SLC16A6: variants seen among roughly 807,000 people sequenced by gnomAD.
The protein encoded by SLC16A6 is monocarboxylate transporter 7.
SLC16A6 carries 15 observed loss-of-function variants against 33.8 expected under a neutral mutation model. The ratio of observed to expected loss-of-function variants is 0.44; its 90% CI spans 0.30 to 0.68. SLC16A6 has a LOEUF of 0.68. SLC16A6 is among the 30% of genes least tolerant of loss of function. The pLI, the probability that SLC16A6 is intolerant of heterozygous loss-of-function variation, is 0.10. For synonymous variants in SLC16A6, 219 were observed against 248.4 expected (o/e 0.88, Z 1.11); for missense variants, 451 against 661.5 (o/e 0.68, Z 3.49).
rs1555748968 is a variant in SLC16A6 at position 68,271,723 on chromosome 17, A to C, written c.506-69T>G. On this transcript the variant is annotated intron_variant, in intron 4 of 5. Coordinates refer to ENST00000580666, the MANE Select transcript of SLC16A6 (RefSeq NM_004694.5). The surrounding 1 kb of genome is among the most constrained non-coding windows in gnomAD (Gnocchi z 5.3). ...ATGGACTCAAGACCCAGGAGAAGCC[A>C]TCAAGAAGAAATATGGATCCAGATT... 1 of 1,258,006 alleles carries C rather than the reference A, an allele frequency of 7.9e-7. No homozygotes were observed. Among genetic ancestry groups the C allele is most frequent in the Non-Finnish European group, 1.1e-6 (1 of 905,096 alleles). The allele number at this position is 1,258,006 out of a possible 1,614,324, so 77.9% of individuals were successfully genotyped here.
In SLC16A6 at chr17:68,282,779, T is replaced by TAAAAAAAAA. The variant is rs36155626; in HGVS notation, c.-7-4461_-7-4453dup. ...CAACATAGTGAAACCCCATCTCTAC[T>TAAAAAAAAA]AAAAAAAAAAAAAAAAAAAAAGGCC... On this transcript the variant is annotated intron_variant, in intron 1 of 5. Transcript: ENST00000580666. Among the ~76,000 whole-genome samples the TAAAAAAAAA allele has an allele frequency of 1.3e-3, 67 of 53,392 alleles. 5 individuals are homozygous for TAAAAAAAAA. Among genetic ancestry groups the TAAAAAAAAA allele is most frequent in the African/African-American group, 5.5e-3 (59 of 10,784 alleles). 35.0% of individuals were successfully genotyped at this position (53,392 alleles called of 152,430 possible).
chr17:68,271,447 A>G lies in SLC16A6; in HGVS notation c.713T>C (p.Ile238Thr), dbSNP rs782508730. The G allele has an allele frequency of 4.3e-6, 7 of 1,614,126 alleles. No homozygotes were observed. Among genetic ancestry groups the G allele is most frequent in the East Asian group, 2.2e-5 (1 of 44,878 alleles). ...GGTAGTTAGTTCTACTCCTGAGTCA[A>G]TGGAGTCTATTGAGGTTCGTGTTTT... The part of the protein sequence containing the change: ...NEKTRTSIDS[I>T]DSGVELTTSP... Residue 238 changes from isoleucine to threonine, a missense_variant, in exon 5 of 6, where the codon ATT becomes ACT. Physicochemically the swap from Ile to Thr is moderately conservative, Grantham distance 89 (BLOSUM62 -1). Transcript: ENST00000580666. The surrounding 1 kb of genome is among the most constrained non-coding windows in gnomAD (Gnocchi z 5.3).
intron 1 of SLC16A6, among the ~76,000 whole-genome samples, chr17:68,288,082 T>G (rs1345331393): frequency 2.7e-5 from 4 of 150,600 alleles, no homozygotes; most frequent in African/African-American, 9.8e-5. Flanking sequence ...CTGCAAGCTC[T>G]GCCTCCCGGG....
intron 1 of SLC16A6, among the ~76,000 whole-genome samples, chr17:68,286,696 G>A (rs2075850259): frequency 6.6e-6 from 1 of 152,040 alleles, no homozygotes; most frequent in South Asian, 2.1e-4. Context: ...GTAGAGATGA[G>A]GTTTCAGTAT....
In SLC16A6 at chr17:68,277,790, T is replaced by C. The variant is rs936093016; in HGVS notation, c.232+299A>G. On this transcript the variant is annotated intron_variant, in intron 2 of 5. Transcript: ENST00000580666. Reference sequence around the variant, plus strand: ...ATCCTCACATCCTCACAAAAGGAGGTTGACTGCACTCCTTAAGGGAATCTA... The same window carrying C: ...ATCCTCACATCCTCACAAAAGGAGGCTGACTGCACTCCTTAAGGGAATCTA... Among the ~76,000 whole-genome samples, 5 of 152,172 alleles carry C rather than the reference T, an allele frequency of 3.3e-5. No homozygotes were observed. In the South Asian group the frequency reaches 6.2e-4, roughly 19 times the overall value.
chr17:68,276,861 A>T (rs1555751136), intron 2 of SLC16A6, among the ~76,000 whole-genome samples: 1 of 152,218 alleles, frequency 6.6e-6, no homozygotes, highest in African/African-American at 2.4e-5. Flanking sequence ...TATATTCAAT[A>T]GCCCTTTATA....
chr17:68,282,280 C>T (rs531781149), intron 1 of SLC16A6, among the ~76,000 whole-genome samples: 1 of 151,870 alleles, frequency 6.6e-6, no homozygotes, highest in Admixed American at 6.6e-5. Flanking sequence ...CACGTTCTCA[C>T]TCATAGGTGG....
At chr17:68,287,351 G>A (rs2075865015) in intron 1 of SLC16A6, among the ~76,000 whole-genome samples, 1 of 151,364 alleles carries the variant, frequency 6.6e-6, no homozygotes, top group Non-Finnish European at 1.5e-5. Flanking sequence ...ATAGAGACAG[G>A]GTCTCCCTAT....
Position 68,268,596 on chromosome 17 carries a change from A to C in SLC16A6, c.*500T>G, listed in dbSNP as rs1159895593. 1 of 152,520 alleles carries C rather than the reference A, an allele frequency of 6.6e-6. No homozygotes were observed. The highest frequency in any genetic ancestry group is 1.9e-4 in the East Asian group (1 of 5,210). 9.4% of individuals were successfully genotyped at this position (152,520 alleles called of 1,614,324 possible). On this transcript the variant is annotated 3_prime_UTR_variant, in exon 6 of 6. Transcript: ENST00000580666. ...ATATTTCTGAAAATTAGGAATTTTA[A>C]AAATGATTGAAGTCTTTTTTTTTTT...
At chr17:68,274,188 G>C in intron 2 of SLC16A6, 118 bp from the exon 3 acceptor site, 1 of 1,092,160 alleles carries the variant, frequency 9.2e-7, no homozygotes, top group South Asian at 1.6e-5. Flanking sequence ...AAATATGGCC[G>C]AGCGCAGTGG....
At chr17:68,278,384 C>T in intron 1 of SLC16A6, 57 bp from the exon 2 acceptor site, 7 of 1,114,332 alleles carry the variant, frequency 6.3e-6, no homozygotes, top group Non-Finnish European at 9.4e-6. Context: ...ATCGATGATT[C>T]TCATACTCTT....
At position 68,268,954 on chromosome 17, in the gene SLC16A6, T is replaced by C. The variant is rs2075239774; in HGVS notation, c.*142A>G. 6.8e-7 allele frequency: 1 copy of C among 1,475,738 alleles called. No homozygotes were observed. Among genetic ancestry groups the C allele is most frequent in the Admixed American group, 2.3e-5 (1 of 42,876 alleles). 91.4% of individuals were successfully genotyped at this position (1,475,738 alleles called of 1,614,324 possible). On this transcript the variant is annotated 3_prime_UTR_variant, in exon 6 of 6. Coordinates refer to ENST00000580666, the MANE Select transcript of SLC16A6 (RefSeq NM_004694.5). ...AACAAAACAAAAGCGATGTTGGTAG[T>C]GCTCTTCACATACACATTCCCTTTA... is the stretch of plus-strand genomic sequence containing the variant.
chr17:68,271,580 C>T lies in SLC16A6; in HGVS notation c.580G>A (p.Val194Ile). The T allele has an allele frequency of 6.2e-7, 1 of 1,614,174 alleles. No individual in the cohort carries two copies. Reference protein sequence around the residue: ...LFVGLLQLNIVIFGALLRPIF... With the variant: ...LFVGLLQLNIIIFGALLRPIF... ...GGTCTGAGCAGTGCTCCGAAGATGA[C>T]AATGTTTAACTGTAGTAGGCCCACG... is the stretch of plus-strand genomic sequence containing the variant. The change falls in exon 5 of 6, where the codon GTC becomes ATC. Residue 194 changes from valine (V) to isoleucine (I), a missense_variant. This residue lies in a region of SLC16A6 where 405 missense variants were observed against 510.7 expected (regional missense o/e 0.79). Coordinates refer to ENST00000580666, the MANE Select transcript of SLC16A6 (RefSeq NM_004694.5). This position sits in a 1 kb window ranked among gnomAD's most constrained non-coding sequence, Gnocchi z 5.3.
At chr17:68,276,369 A>G (rs1322079738) in intron 2 of SLC16A6, among the ~76,000 whole-genome samples, 2 of 152,244 alleles carry the variant, frequency 1.3e-5, no homozygotes, top group Non-Finnish European at 2.9e-5. Context: ...AATTTCAGCA[A>G]TAACTTCAGA....
upstream of SLC16A6, chr17:68,291,470 G>C (rs1427550169): frequency 4.6e-5 from 7 of 150,804 alleles, no homozygotes; most frequent in African/African-American, 1.7e-4. Context: ...CGCAGCCAAG[G>C]AGGGGGCCTG....
intron 1 of SLC16A6, among the ~76,000 whole-genome samples, chr17:68,284,929 G>GT (rs2075807328): frequency 6.6e-6 from 1 of 152,114 alleles, no homozygotes; most frequent in Admixed American, 6.6e-5. Context: ...ACAACCCCAT[G>GT]TCCCCGGACC....
chr17:68,285,281 C>T (rs901230711), intron 1 of SLC16A6, among the ~76,000 whole-genome samples: 1 of 152,140 alleles, frequency 6.6e-6, no homozygotes, highest in African/African-American at 2.4e-5. Context: ...GGCTCAGGAC[C>T]ACCTTGAAAC....
chr17:68,280,889 C>A (rs1555752504), intron 1 of SLC16A6, among the ~76,000 whole-genome samples: 2 of 152,126 alleles, frequency 1.3e-5, no homozygotes, highest in African/African-American at 4.8e-5. Flanking sequence ...CTTCGGGATG[C>A]CAAGGTGGGT....
At chr17:68,289,507 C>A (rs2075918558) in intron 1 of SLC16A6, among the ~76,000 whole-genome samples, 1 of 152,194 alleles carries the variant, frequency 6.6e-6, no homozygotes. Context: ...CTGTTGTAGG[C>A]AGACCTCGAG....
Sources: gnomAD v4.1 joint callset for allele counts (sites outside exome capture counted in the v4.1 genomes callset) on GRCh38, gnomAD v4.1.1 for gene constraint, gnomAD v4.1.1 regional missense constraint, Gnocchi (gnomAD v3.1) non-coding constraint, MANE v1.5 for transcripts, NCBI Gene and HGNC (gene_info 2026-07-23, HGNC 2026-07-21) for gene names.